SLC30A7: variants seen among roughly 807,000 people sequenced by gnomAD.
SLC30A7 encodes zinc transporter 7.
A neutral mutation model predicts 46.0 loss-of-function variants in SLC30A7; 35 were observed. The observed-to-expected ratio is 0.76, with a 90% CI of 0.58 to 1.01. The LOEUF is 1.01. Among genes scored for constraint, SLC30A7 ranks in the 50% least tolerant of loss-of-function variants. SLC30A7 has a pLI of 0.00. For synonymous variants in SLC30A7, 147 were observed against 157.8 expected, an observed-to-expected ratio of 0.93 and a Z score of 0.51; for missense variants, 464 against 451.1, an observed-to-expected ratio of 1.03 and a Z score of -0.26.
Position 100,975,904 on chromosome 1 carries a change from A to G in SLC30A7, c.*1047A>G, listed in dbSNP as rs946521706. 1.3e-5 allele frequency: 2 copies of G among 150,398 alleles called. No individual in the cohort carries two copies. Among genetic ancestry groups the G allele is most frequent in the African/African-American group, 5.0e-5 (2 of 40,338 alleles). 9.3% of individuals were successfully genotyped at this position (150,398 alleles called of 1,614,324 possible). On this transcript the variant is annotated 3_prime_UTR_variant, in exon 11 of 11. Transcript: ENST00000357650. Reference sequence around the variant, plus strand: ...TCCTGTACAAAACAAGACTATTGCCAGTAATGTATACAAATTGTCTTTTTG... The same window carrying G: ...TCCTGTACAAAACAAGACTATTGCCGGTAATGTATACAAATTGTCTTTTTG...
rs532671725 is a variant in SLC30A7 at position 100,939,086 on chromosome 1, T to A, written c.842+17245T>A. 2.6e-5 allele frequency among the ~76,000 whole-genome samples: 4 copies of A among 152,326 alleles called. No individual in the cohort carries two copies. In the South Asian group the frequency reaches 8.3e-4, roughly 32 times the overall value. On this transcript the variant is annotated intron_variant, in intron 8 of 10. Coordinates refer to ENST00000357650, the MANE Select transcript of SLC30A7 (RefSeq NM_133496.5). The stretch of plus-strand genomic sequence containing the variant: ...ATCACAGCCCTAAAGTCTAAATCCC[T>A]TTCTTAAGGTGTAACACTAGAGGCA...
At chr1:100,992,742 T>G in the SLC30A7 span, 2 of 1,607,046 alleles carry the variant, frequency 1.2e-6, no homozygotes, top group Non-Finnish European at 8.5e-7. Flanking sequence ...TTCCTTCCCC[T>G]ATAGGCAGAA....
At chr1:100,925,874 A>T (rs1653265724) in intron 8 of SLC30A7, among the ~76,000 whole-genome samples, 1 of 152,312 alleles carries the variant, frequency 6.6e-6, no homozygotes, top group Admixed American at 6.5e-5. Context: ...AATAGTCCAC[A>T]CCTGGATTTA....
chr1:100,949,723 A>T (rs542557219), intron 8 of SLC30A7, among the ~76,000 whole-genome samples: 7 of 152,178 alleles, frequency 4.6e-5, no homozygotes, highest in African/African-American at 1.7e-4. Context: ...AGCAATACAG[A>T]TGCCCCTCCC....
downstream of SLC30A7, among the ~76,000 whole-genome samples, chr1:100,982,286 C>T (rs757409674): frequency 1.7e-4 from 26 of 152,220 alleles, no homozygotes; most frequent in Admixed American, 2.6e-4. Context: ...TGTCTGCTGT[C>T]AGATTCCTTG....
chr1:100,988,874 A>AT, the SLC30A7 span, among the ~76,000 whole-genome samples: 1 of 152,060 alleles, frequency 6.6e-6, no homozygotes, highest in Admixed American at 6.5e-5. Flanking sequence ...AAATAAATAA[A>AT]AAATAATAAA....
At chr1:100,959,959 G>C (rs574461518) in intron 8 of SLC30A7, among the ~76,000 whole-genome samples, 1 of 152,220 alleles carries the variant, frequency 6.6e-6, no homozygotes, top group East Asian at 1.9e-4. Flanking sequence ...TACAATGAAG[G>C]GGAAGGAACT....
In SLC30A7 at chr1:100,980,711, T is replaced by A. The variant is rs570627651; in HGVS notation, c.*5854T>A. On this transcript the variant is annotated 3_prime_UTR_variant, in exon 11 of 11. Coordinates refer to ENST00000357650, the MANE Select transcript of SLC30A7 (RefSeq NM_133496.5). ...TATGAGCTGCTCATTCTTTTTCATA[T>A]ACAGTGGAAGTATACAGATGTTATC... 6.6e-6 allele frequency: 1 copy of A among 152,046 alleles called. No homozygotes were observed. Among genetic ancestry groups the A allele is most frequent in the Non-Finnish European group, 1.5e-5 (1 of 67,916 alleles). The allele number at this position is 152,046 out of a possible 1,614,324, so 9.4% of individuals were successfully genotyped here. A position where few individuals can be genotyped will look rare whatever the true frequency, so the allele number is the denominator to read the frequency against.
In SLC30A7 at chr1:100,896,118, C is replaced by T. The variant is rs978514042; in HGVS notation, c.-145C>T. The T allele has an allele frequency of 3.2e-5, 22 of 696,104 alleles. No homozygotes were observed. In the Admixed American group the frequency reaches 4.8e-4, roughly 15 times the overall value. The allele number at this position is 696,104 out of a possible 1,614,324, so 43.1% of individuals were successfully genotyped here. A position where few individuals can be genotyped will look rare whatever the true frequency, so the allele number is the denominator to read the frequency against. On this transcript the variant is annotated 5_prime_UTR_variant, in exon 1 of 11. Coordinates refer to ENST00000357650, the MANE Select transcript of SLC30A7 (RefSeq NM_133496.5). ...AGTAAGCGAATTCCCGGGTGTGTGT[C>T]TGTGTCTGTCTGTGTCTCGCAGCGG... is the stretch of plus-strand genomic sequence containing the variant.
At chr1:100,920,431 AATTT>A (rs920306254) in intron 7 of SLC30A7, among the ~76,000 whole-genome samples, 1 of 152,030 alleles carries the variant, frequency 6.6e-6, no homozygotes, top group African/African-American at 2.4e-5. Context: ...TGTCTGACAA[AATTT>A]ATTTCTTTTG....
chr1:100,994,820 C>T, the SLC30A7 span, among the ~76,000 whole-genome samples: 1 of 152,194 alleles, frequency 6.6e-6, no homozygotes, highest in African/African-American at 2.4e-5. Context: ...AACAACCGCA[C>T]CCGGCCTCAC....
At chr1:100,912,566 A>T (rs558708645) in intron 5 of SLC30A7, among the ~76,000 whole-genome samples, 1 of 152,080 alleles carries the variant, frequency 6.6e-6, no homozygotes, top group Non-Finnish European at 1.5e-5. Flanking sequence ...GCTTACACCT[A>T]TAATTCCAGC....
At chr1:100,905,442 G>A (rs1376802219) in intron 2 of SLC30A7, among the ~76,000 whole-genome samples, 2 of 151,740 alleles carry the variant, frequency 1.3e-5, no homozygotes, top group East Asian at 3.9e-4. Flanking sequence ...TTTCTTTTAT[G>A]AATTTCAGAA....
Position 100,906,962 on chromosome 1 carries a change from A to G in SLC30A7, c.293A>G (p.Tyr98Cys), listed in dbSNP as rs568225157. The G allele has an allele frequency of 3.1e-6, 5 of 1,592,828 alleles. No individual in the cohort carries two copies. Among genetic ancestry groups the G allele is most frequent in the Non-Finnish European group, 4.3e-6 (5 of 1,161,312 alleles). Residue 98 changes from tyrosine (Y) to cysteine (C), a missense_variant, in exon 3 of 11, where the codon TAT (tyrosine) becomes TGT (cysteine). Physicochemically the swap from Tyr to Cys is radical, Grantham distance 194. Transcript: ENST00000357650. ...TGGAGAGATAATGATGCTTTCTCCT[A>G]TGGGTAAGACTTTAAGAAAAAAAAT... ...SKWRDNDAFSYGYVRAEVLAG... is the reference protein window; with the variant it reads ...SKWRDNDAFSCGYVRAEVLAG...
At chr1:100,993,698 T>C in the SLC30A7 span, among the ~76,000 whole-genome samples, 4 of 149,964 alleles carry the variant, frequency 2.7e-5, no homozygotes, top group Non-Finnish European at 5.9e-5. Context: ...AAGCCATATA[T>C]AGAATCAAGT....
In SLC30A7 at chr1:100,896,583, G is replaced by C; in HGVS notation, c.94G>C (p.Asp32His). 1 of 1,614,004 alleles carries C rather than the reference G, an allele frequency of 6.2e-7. No homozygotes were observed. Among genetic ancestry groups the C allele is most frequent in the South Asian group, 1.1e-5 (1 of 91,040 alleles). ...ISGWFRSILS[D>H]KTSRNLFFFL... Reference sequence around the variant, plus strand: ...TATCATTCCCAGGTCTATACTGTCCGACAAGACTTCCCGGAACCTGTTTTT... The same window carrying C: ...TATCATTCCCAGGTCTATACTGTCCCACAAGACTTCCCGGAACCTGTTTTT... Residue 32 changes from aspartate (D) to histidine (H), a missense_variant, in exon 2 of 11, where the codon GAC (aspartate) becomes CAC (histidine). By Grantham distance (81) the Asp-to-His change is moderately conservative. Transcript: ENST00000357650.
intron 10 of SLC30A7, 148 bp from the exon 11 acceptor site, chr1:100,974,662 G>A (rs1656354682): frequency 9.7e-6 from 5 of 513,354 alleles, no homozygotes; most frequent in Non-Finnish European, 1.6e-5. Flanking sequence ...ATTATTTTTT[G>A]TAGCTTATGA....
downstream of SLC30A7, among the ~76,000 whole-genome samples, chr1:100,981,981 A>G (rs1263106851): frequency 1.3e-5 from 2 of 152,168 alleles, no homozygotes; most frequent in East Asian, 3.8e-4. Context: ...GACCTCATAA[A>G]CATGTCTCGA....
In SLC30A7 at chr1:100,912,802, C is replaced by T. The variant is rs148846954; in HGVS notation, c.511+564C>T. On this transcript the variant is annotated intron_variant, in intron 5 of 10. Coordinates refer to ENST00000357650, the MANE Select transcript of SLC30A7 (RefSeq NM_133496.5). ...TTGAGATGGGAGAGTCGCTTGAGCC[C>T]GGGAGGTGGAGGTTGCAGCGAGCCG... is the stretch of plus-strand genomic sequence containing the variant. Among the ~76,000 whole-genome samples, 1,237 of 151,322 alleles carry T rather than the reference C, an allele frequency of 8.2e-3. 8 individuals carry two copies. Among genetic ancestry groups the T allele is most frequent in the Admixed American group, 9.9e-3 (151 of 15,208 alleles).
Sources: allele counts gnomAD v4.1 joint callset (sites outside exome capture counted in the v4.1 genomes callset), GRCh38; gene constraint gnomAD v4.1.1; transcripts MANE v1.5; gene names NCBI Gene and HGNC (gene_info 2026-07-23, HGNC 2026-07-21).